MUC4: variants seen among roughly 807,000 people sequenced by gnomAD.
The protein encoded by MUC4 is mucin 4, cell surface associated.
A neutral mutation model predicts 257.9 loss-of-function variants in MUC4; 202 were observed. The ratio of observed to expected loss-of-function variants is 0.78; its 90% confidence interval spans 0.70 to 0.88. The LOEUF (loss-of-function observed/expected upper bound fraction) is 0.88. Among genes scored for constraint, MUC4 ranks in the 40% least tolerant of loss-of-function variants. The pLI, the probability that MUC4 is intolerant of heterozygous loss-of-function variation, is 0.00. For synonymous variants in MUC4, 2,351 were observed against 2,757.1 expected, an observed-to-expected ratio of 0.85 and a Z score of 4.62; for missense variants, 5,976 against 6,513.7, an observed-to-expected ratio of 0.92 and a Z score of 2.84.
In MUC4 at chr3:195,760,898, G is replaced by A. The variant is rs757658061; in HGVS notation, c.14834C>T (p.Ala4945Val). ...TREVSKNYEQ[A>V]NATLNQYPPS... is the part of the protein sequence containing the mutation. ...GGGCCACTTACTGAGGGTGGCGTTCGCCTGCTCGTAGTTTTTACTGACTTC... is the reference window on the plus strand; with the variant it reads ...GGGCCACTTACTGAGGGTGGCGTTCACCTGCTCGTAGTTTTTACTGACTTC... The change falls in exon 16 of 25, where the codon GCG becomes GTG. Residue 4945 changes from alanine to valine, a missense_variant. Ala to Val is a moderately conservative substitution (Grantham distance 64). Transcript: ENST00000463781. 6.8e-6 allele frequency: 11 copies of A among 1,613,976 alleles called. No homozygotes were observed. The highest frequency in any genetic ancestry group is 1.7e-4 in the Middle Eastern group (1 of 5,990).
Position 195,788,952 on chromosome 3 carries a change from G to A in MUC4, c.2628C>T (p.Leu876=), listed in dbSNP as rs1483604271. ...GTCTCCCTGCAGTGGAGGCCTCAGA[G>A]AGGGTGGGATGAAAGGTGCCGGGGA... is the stretch of plus-strand genomic sequence containing the variant. ...SIVPGTFHPT[L]SEASTAGRPT... The change falls in exon 2 of 25, where the codon CTC becomes CTT. Residue 876 remains leucine, a synonymous_variant. Transcript: ENST00000463781. The A allele has an allele frequency of 2.5e-6, 4 of 1,613,540 alleles. No individual in the cohort carries two copies. Among genetic ancestry groups the A allele is most frequent in the Non-Finnish European group, 2.5e-6 (3 of 1,179,748 alleles).
At chr3:195,778,024 A>C (rs1182847015) in intron 3 of MUC4, among the ~76,000 whole-genome samples, 3 of 152,126 alleles carry the variant, frequency 2.0e-5, no homozygotes, top group Non-Finnish European at 2.9e-5. Flanking sequence ...AGGGCCTTCC[A>C]TTGTGTGCAC....
At chr3:195,811,145 ATATT>A (rs71885309) in intron 1 of MUC4, among the ~76,000 whole-genome samples, 274 of 136,746 alleles carry the variant, frequency 2.0e-3, no homozygotes, top group Middle Eastern at 3.8e-3. Flanking sequence ...ATTTTATTTT[ATATT>A]TATTTATTTA....
In MUC4 at chr3:195,784,460, A is replaced by C. The variant is rs56359992; in HGVS notation, c.7120T>G (p.Ser2374Ala). ...GTGTGACCTGAGGATGCTGAGGAAG[A>C]GCTGGTGACAGGAAGAGGGGTGGTG... is the stretch of plus-strand genomic sequence containing the variant. ...GDTTPLPVTSSSSASSGHTTP... is the reference protein window; with the variant it reads ...GDTTPLPVTSASSASSGHTTP... Residue 2374 changes from serine (S) to alanine (A), a missense_variant, in exon 2 of 25, where the codon TCT becomes GCT. By Grantham distance (99) the Ser-to-Ala change is moderately conservative (BLOSUM62 1). Coordinates refer to ENST00000463781, the MANE Select transcript of MUC4 (RefSeq NM_018406.7). 15 of 642,028 alleles carry C rather than the reference A, an allele frequency of 2.3e-5. No individual in the cohort carries two copies. Among genetic ancestry groups the C allele is most frequent in the African/African-American group, 2.1e-4 (6 of 28,176 alleles). 39.8% of individuals were successfully genotyped at this position (642,028 alleles called of 1,614,324 possible). A position where few individuals can be genotyped will look rare whatever the true frequency, so the allele number is the denominator to read the frequency against.
chr3:195,750,967 G>C lies in MUC4; in HGVS notation c.15793C>G (p.Pro5265Ala). The change falls in exon 23 of 25, where the codon CCA becomes GCA. Residue 5265 changes from proline to alanine, a missense_variant. Around this residue, in one of 44 missense-constraint regions of MUC4, gnomAD observed 310 missense variants for 242.1 expected, o/e 1.28. Transcript: ENST00000463781. Reference protein sequence around the residue: ...AVVEAFLYHVPRRSEEPRNDV... With the variant: ...AVVEAFLYHVARRSEEPRNDV... ...TTCCTGGGCTCCTCACTCCTCCGTG[G>C]AACGTGGTATAAGAACGCCTCCACC... 1 of 1,614,110 alleles carries C rather than the reference G, an allele frequency of 6.2e-7. No homozygotes were observed. The highest frequency in any genetic ancestry group is 8.5e-7 in the Non-Finnish European group (1 of 1,180,020).
In MUC4 at chr3:195,790,185, A is replaced by G; in HGVS notation, c.1395T>C (p.Pro465=). 2 of 1,614,022 alleles carry G rather than the reference A, an allele frequency of 1.2e-6. No individual in the cohort carries two copies. The highest frequency in any genetic ancestry group is 1.7e-6 in the Non-Finnish European group (2 of 1,179,892). The change falls in exon 2 of 25, where the codon CCT becomes CCC. Residue 465 remains proline (P), a synonymous_variant. Coordinates refer to ENST00000463781, the MANE Select transcript of MUC4 (RefSeq NM_018406.7). ...CTGGAGAGAATGAGCTCCTCTCATGAGGCCGTCCTGTGGTCTCTGCACCTT... is the reference window on the plus strand; with the variant it reads ...CTGGAGAGAATGAGCTCCTCTCATGGGGCCGTCCTGTGGTCTCTGCACCTT... ...QSEGAETTGR[P]HERSSFSPGV...
At chr3:195,775,979 T>C (rs188029493) in intron 3 of MUC4, among the ~76,000 whole-genome samples, 785 of 4,590 alleles carry the variant, frequency 0.17, 35 homozygotes, top group Middle Eastern at 0.33. Context: ...ACCTTCCACA[T>C]CCATACCTTC....
chr3:195,760,622 A>G (rs13079310), intron 16 of MUC4, among the ~76,000 whole-genome samples: 5,116 of 29,942 alleles, frequency 0.17, 542 homozygotes, highest in African/African-American at 0.35. Context: ...CTGGGAAGGC[A>G]TCCAGCGCTA....
Position 195,789,821 on chromosome 3 carries a change from TC to T in MUC4, c.1758del (p.Thr587LeufsTer3), listed in dbSNP as rs1399174806. 1 of 1,614,016 alleles carries T rather than the reference TC, an allele frequency of 6.2e-7. No individual in the cohort carries two copies. The highest frequency in any genetic ancestry group is 8.5e-7 in the Non-Finnish European group (1 of 1,179,870). ...GATGTGGCCGTTTTTATCATCTGAG[TC>T]ACACTGTAGCTTGGGCTGCTGAGAA... ...EALLSSPSYS[V>X]TQMIKTATSP... On this transcript the variant is annotated frameshift_variant, in exon 2 of 25. Transcript: ENST00000463781. LOFTEE classifies it high-confidence loss of function.
At position 195,763,576 on chromosome 3, in the gene MUC4, C is replaced by T. The variant is rs1037980618; in HGVS notation, c.14110G>A (p.Gly4704Arg). 2 of 1,595,124 alleles carry T rather than the reference C, an allele frequency of 1.3e-6. No homozygotes were observed. The highest frequency in any genetic ancestry group is 1.3e-5 in the African/African-American group (1 of 74,358). ...DGVSYTFNGL[G>R]DFLLVGAQDG... ...TGGGCCCCGACCAGCAGGAAGTCCCCCAGCCCATTGAAGGTGTAACTGACA... is the reference window on the plus strand; with the variant it reads ...TGGGCCCCGACCAGCAGGAAGTCCCTCAGCCCATTGAAGGTGTAACTGACA... Residue 4704 changes from glycine (G) to arginine (R), a missense_variant, in exon 12 of 25, where the codon GGG becomes AGG. Physicochemically the swap from Gly to Arg is moderately radical, Grantham distance 125 (BLOSUM62 -2). Around this residue, in one of 44 missense-constraint regions of MUC4, gnomAD observed 996 missense variants for 1,137.3 expected, o/e 0.88. Coordinates refer to ENST00000463781, the MANE Select transcript of MUC4 (RefSeq NM_018406.7).
intron 12 of MUC4, 110 bp downstream of exon 12, chr3:195,763,323 C>G: frequency 1.7e-6 from 2 of 1,154,188 alleles, no homozygotes; most frequent in East Asian, 3.0e-5. Context: ...TCCTCCCTCC[C>G]TCCTGCCCGG....
chr3:195,762,300 G>T, intron 13 of MUC4, 46 bp from the exon 14 acceptor site: 1 of 1,525,096 alleles, frequency 6.6e-7, no homozygotes, highest in Non-Finnish European at 8.8e-7. Flanking sequence ...TCGGCACCAC[G>T]GCCCGCACCA....
chr3:195,760,353 A>T (rs1160682084), intron 16 of MUC4, among the ~76,000 whole-genome samples: 2 of 152,186 alleles, frequency 1.3e-5, no homozygotes, highest in Non-Finnish European at 2.9e-5. Context: ...TGTCCAGGGA[A>T]GGAAGGGTAT....
intron 4 of MUC4, among the ~76,000 whole-genome samples, chr3:195,772,297 C>T (rs1389276420): frequency 1.3e-5 from 2 of 151,266 alleles, no homozygotes. Context: ...ATCTCCATCA[C>T]TTAGGGGGTG....
chr3:195,773,914 AC>A (rs1433848192), intron 4 of MUC4, among the ~76,000 whole-genome samples: 3 of 152,240 alleles, frequency 2.0e-5, no homozygotes, highest in Non-Finnish European at 2.9e-5. Context: ...AACGGCAGGA[AC>A]AGTCCAGTTT....
chr3:195,762,209 C>A lies in MUC4; in HGVS notation c.14390G>T (p.Gly4797Val). 1 of 1,597,634 alleles carries A rather than the reference C, an allele frequency of 6.3e-7. No individual in the cohort carries two copies. The highest frequency in any genetic ancestry group is 8.5e-7 in the Non-Finnish European group (1 of 1,172,324). The change falls in exon 14 of 25, where the codon GGC becomes GTC. Residue 4797 changes from glycine to valine, a missense_variant. Coordinates refer to ENST00000463781, the MANE Select transcript of MUC4 (RefSeq NM_018406.7). Reference sequence around the variant, plus strand: ...GTCGAAGCTGGCCGAGACCTCAGAGCCGTTGCGGCTCAGGAGGACTCCGGT... The same window carrying A: ...GTCGAAGCTGGCCGAGACCTCAGAGACGTTGCGGCTCAGGAGGACTCCGGT... ...NATGVLLSRNGSEVSASFDGW... is the reference protein window; with the variant it reads ...NATGVLLSRNVSEVSASFDGW...
In MUC4 at chr3:195,765,051, C is replaced by T. The variant is rs752906065; in HGVS notation, c.13870G>A (p.Gly4624Arg). Residue 4624 changes from glycine to arginine, a missense_variant, in exon 10 of 25, where the codon GGG (glycine) becomes AGG (arginine). Physicochemically the swap from Gly to Arg is moderately radical, Grantham distance 125. Coordinates refer to ENST00000463781, the MANE Select transcript of MUC4 (RefSeq NM_018406.7). Reference sequence around the variant, plus strand: ...CCTTCACGAAACTCTCCCCAGGGCCCGTAGCTGCAGCACACGCCTCCTCGC... The same window carrying T: ...CCTTCACGAAACTCTCCCCAGGGCCTGTAGCTGCAGCACACGCCTCCTCGC... ...SWRGGVCCSY[G>R]PWGEFREGWH... 2 of 1,613,932 alleles carry T rather than the reference C, an allele frequency of 1.2e-6. No individual in the cohort carries two copies. Among genetic ancestry groups the T allele is most frequent in the South Asian group, 1.1e-5 (1 of 91,080 alleles).
chr3:195,753,340 C>T (rs1438923491), intron 19 of MUC4, 110 bp from the exon 20 acceptor site: 20 of 1,105,392 alleles, frequency 1.8e-5, no homozygotes, highest in African/African-American at 6.4e-5. Flanking sequence ...TGTTCCACTT[C>T]GGGCCACTCG....
rs1720217528 is a variant in MUC4, at chr3:195,765,362, G to A, written c.13706C>T (p.Pro4569Leu). 2 of 1,613,590 alleles carry A rather than the reference G, an allele frequency of 1.2e-6. No homozygotes were observed. The highest frequency in any genetic ancestry group is 2.7e-5 in the African/African-American group (2 of 74,928). Residue 4569 changes from proline to leucine, a missense_variant, in exon 9 of 25, where the codon CCT (proline) becomes CTT (leucine). By Grantham distance (98) the Pro-to-Leu change is moderately conservative (BLOSUM62 -3). Coordinates refer to ENST00000463781, the MANE Select transcript of MUC4 (RefSeq NM_018406.7). ...GTTCCAGCCCCAGCTGGGCCACCGA[G>A]GCTGGCTCTTCAGCCACTGCAGGCA... ...LECLQWLKSQPRWPSWGWNQV... is the reference protein window; with the variant it reads ...LECLQWLKSQLRWPSWGWNQV...
Sources: gnomAD v4.1 joint callset for allele counts (sites outside exome capture counted in the v4.1 genomes callset) on GRCh38, gnomAD v4.1.1 for gene constraint, gnomAD v4.1.1 regional missense constraint, MANE v1.5 for transcripts, NCBI Gene and HGNC (gene_info 2026-07-23, HGNC 2026-07-21) for gene names.